Variants in GRAMD1C observed in about 807,000 individuals in gnomAD.
GRAMD1C encodes the protein GRAM domain containing 1C, also known as protein Aster-C.
GRAMD1C carries 89 observed loss-of-function variants against 97.8 expected under a neutral mutation model. The ratio of observed to expected loss-of-function variants is 0.91; its 90% CI spans 0.77 to 1.09. GRAMD1C has a LOEUF of 1.09. Ranked by LOEUF, GRAMD1C falls within the 50% of genes least tolerant of loss-of-function variation. The probability of loss-of-function intolerance (pLI) is 0.00; values close to 1 mark genes in which losing one functional copy is unlikely to be tolerated. For missense variants in GRAMD1C, 740 were observed against 766.4 expected, an observed-to-expected ratio of 0.97 and a Z score of 0.41; for synonymous variants, 256 against 267.0, an observed-to-expected ratio of 0.96 and a Z score of 0.40.
rs751891001 is a variant in GRAMD1C, at chr3:113,876,205, A to G, written c.404A>G (p.Glu135Gly). Residue 135 changes from glutamate (E) to glycine (G), a missense_variant, in exon 5 of 18, where the codon GAA becomes GGA. By Grantham distance (98) the Glu-to-Gly change is moderately conservative. Transcript: ENST00000358160. ...ALKNITFMTK[E>G]KTARLIPNAI... Reference sequence around the variant, plus strand: ...AAGAATATAACCTTCATGACCAAGGAAAAAACTGCTCGACTCATCCCAAAC... The same window carrying G: ...AAGAATATAACCTTCATGACCAAGGGAAAAACTGCTCGACTCATCCCAAAC... 6.2e-7 allele frequency: 1 copy of G among 1,602,426 alleles called. No homozygotes were observed. Among genetic ancestry groups the G allele is most frequent in the Non-Finnish European group, 8.5e-7 (1 of 1,170,102 alleles).
rs71144093 is a variant in GRAMD1C, at chr3:113,856,843, A to AT, written c.174+12211dup. On this transcript the variant is annotated intron_variant, in intron 2 of 17. Transcript: ENST00000358160. ...CATGAGCCACTGCGCCCAGCTGCCTATTTTTTTTTTTTTTTTTAAAAGATC... is the reference window on the plus strand; with the variant it reads ...CATGAGCCACTGCGCCCAGCTGCCTATTTTTTTTTTTTTTTTTTAAAAGATC... 3.0e-3 allele frequency among the ~76,000 whole-genome samples: 419 copies of AT among 140,902 alleles called. 1 individual carries two copies. Among genetic ancestry groups the AT allele is most frequent in the African/African-American group, 3.8e-3 (146 of 37,978 alleles). The allele number at this position is 140,902 out of a possible 152,430, so 92.4% of individuals were successfully genotyped here.
chr3:113,884,603 C>T (rs900742996), intron 6 of GRAMD1C, among the ~76,000 whole-genome samples: 10 of 152,098 alleles, frequency 6.6e-5, no homozygotes, highest in Non-Finnish European at 1.0e-4. Context: ...GAGGCCCAGG[C>T]GGGCGGATCA....
chr3:113,938,348 A>G, intron 15 of GRAMD1C: 1 of 408,046 alleles, frequency 2.5e-6, no homozygotes, highest in Non-Finnish European at 4.3e-6. Context: ...ATTTGAGGAA[A>G]TACAAAGTAC....
intron 2 of GRAMD1C, among the ~76,000 whole-genome samples, chr3:113,861,181 C>T (rs1027457737): frequency 9.9e-5 from 15 of 151,992 alleles, no homozygotes; most frequent in Admixed American, 3.9e-4. Context: ...ACCATATACA[C>T]GAATCAACTT....
intron 6 of GRAMD1C, among the ~76,000 whole-genome samples, chr3:113,891,705 C>G (rs1040177639): frequency 7.0e-6 from 1 of 142,700 alleles, no homozygotes; most frequent in South Asian, 2.4e-4. Context: ...TAGAGAGACC[C>G]CATTTCTAAA....
intron 6 of GRAMD1C, among the ~76,000 whole-genome samples, chr3:113,890,152 G>A (rs1935661076): frequency 6.6e-6 from 1 of 152,188 alleles, no homozygotes. Context: ...CCTTGGAGAA[G>A]TAGCCTACAA....
At chr3:113,900,180 G>A (rs1484758704) in intron 6 of GRAMD1C, among the ~76,000 whole-genome samples, 1 of 151,672 alleles carries the variant, frequency 6.6e-6, no homozygotes, top group Non-Finnish European at 1.5e-5. Context: ...CCAACATGGT[G>A]AAACCCCATC....
chr3:113,918,344 T>G (rs1055048675), intron 10 of GRAMD1C, among the ~76,000 whole-genome samples: 3 of 152,218 alleles, frequency 2.0e-5, no homozygotes, highest in African/African-American at 7.2e-5. Flanking sequence ...TCCCTGAATT[T>G]TTTGAGAGGA....
At chr3:113,832,393 G>A (rs1709570997) in intron 1 of GRAMD1C, among the ~76,000 whole-genome samples, 2 of 152,208 alleles carry the variant, frequency 1.3e-5, no homozygotes, top group South Asian at 4.1e-4. Context: ...GCTTATTTTA[G>A]CATTTATTTG....
intron 10 of GRAMD1C, chr3:113,920,087 G>A (rs757335565): frequency 1.6e-6 from 2 of 1,222,066 alleles, no homozygotes; most frequent in Non-Finnish European, 2.3e-6. Flanking sequence ...CAAACAGCAG[G>A]AGATCATTTT....
At chr3:113,906,431 T>C (rs1007723392) in intron 8 of GRAMD1C, among the ~76,000 whole-genome samples, 2 of 152,112 alleles carry the variant, frequency 1.3e-5, no homozygotes, top group Non-Finnish European at 1.5e-5. Flanking sequence ...TGTGTCTTAA[T>C]TTTTAACAAA....
chr3:113,891,722 A>G (rs1935732904), intron 6 of GRAMD1C, among the ~76,000 whole-genome samples: 1 of 151,712 alleles, frequency 6.6e-6, no homozygotes, highest in Admixed American at 6.6e-5. Context: ...TAAAAAAAAA[A>G]AAAAGTTAAA....
Position 113,901,030 on chromosome 3 carries a change from G to A in GRAMD1C, c.541-1G>A, listed in dbSNP as rs1282652690. On this transcript the variant is annotated splice_acceptor_variant, in intron 6 of 17. Transcript: ENST00000358160. LOFTEE classifies it high-confidence loss of function. ...TCAGTGTAATTTTTCTGTCACTTTAGAGCCTGACTAGACAGGAATTCTGGC... is the reference window on the plus strand; with the variant it reads ...TCAGTGTAATTTTTCTGTCACTTTAAAGCCTGACTAGACAGGAATTCTGGC... 2 of 1,485,670 alleles carry A rather than the reference G, an allele frequency of 1.3e-6. No individual in the cohort carries two copies. Among genetic ancestry groups the A allele is most frequent in the Non-Finnish European group, 1.9e-6 (2 of 1,064,434 alleles). 92.0% of individuals were successfully genotyped at this position (1,485,670 alleles called of 1,614,324 possible).
chr3:113,885,852 G>C, intron 6 of GRAMD1C: 2 of 1,612,086 alleles, frequency 1.2e-6, no homozygotes, highest in Non-Finnish European at 8.5e-7. Flanking sequence ...TGTGATCCTG[G>C]ATAACTCCCT....
At chr3:113,847,929 G>A (rs939664640) in intron 2 of GRAMD1C, among the ~76,000 whole-genome samples, 3 of 152,356 alleles carry the variant, frequency 2.0e-5, no homozygotes, top group South Asian at 2.1e-4. Flanking sequence ...GGATGTCAGA[G>A]CCATTTCACT....
intron 6 of GRAMD1C, among the ~76,000 whole-genome samples, chr3:113,896,349 G>C (rs980177247): frequency 2.6e-5 from 4 of 152,042 alleles, no homozygotes; most frequent in Non-Finnish European, 4.4e-5. Flanking sequence ...GTATTTCCCT[G>C]AATCTTTTTT....
chr3:113,894,388 C>A (rs1342982461), intron 6 of GRAMD1C, among the ~76,000 whole-genome samples: 5 of 151,996 alleles, frequency 3.3e-5, no homozygotes, highest in Non-Finnish European at 5.9e-5. Context: ...AAGCGATTCT[C>A]CTGCCTCAGC....
chr3:113,858,161 T>C (rs774780115), intron 2 of GRAMD1C, among the ~76,000 whole-genome samples: 1 of 152,168 alleles, frequency 6.6e-6, no homozygotes, highest in Non-Finnish European at 1.5e-5. Flanking sequence ...CTTAATTTCC[T>C]TAATTTGTAA....
chr3:113,837,889 T>C (rs1445517663), upstream of GRAMD1C, among the ~76,000 whole-genome samples: 3 of 152,154 alleles, frequency 2.0e-5, no homozygotes, highest in African/African-American at 7.2e-5. Flanking sequence ...GCTGGTCTAA[T>C]AGAGCCAGAA....
Sources: gnomAD v4.1 joint callset for allele counts (sites outside exome capture counted in the v4.1 genomes callset) on GRCh38, gnomAD v4.1.1 for gene constraint, MANE v1.5 for transcripts, NCBI Gene and HGNC (gene_info 2026-07-23, HGNC 2026-07-21) for gene names.